Variants in COG6 observed in about 807,000 individuals in gnomAD.
The protein encoded by COG6 is component of oligomeric golgi complex 6.
Under a neutral mutation model 88.8 loss-of-function variants are expected in COG6, and 74 were observed. That is an observed-to-expected ratio of 0.83 (90% confidence interval 0.69 to 1.01). COG6 has a LOEUF of 1.01. Among genes scored for constraint, COG6 ranks in the 50% least tolerant of loss-of-function variants. COG6 has a pLI of 0.00. For missense variants in COG6, 800 were observed against 797.9 expected, an observed-to-expected ratio of 1.00 and a Z score of -0.03; for synonymous variants, 286 against 278.7, an observed-to-expected ratio of 1.03 and a Z score of -0.26.
chr13:39,790,141 G>C (rs1430037545), exon 19 of COG6: 1 of 152,162 alleles, frequency 6.6e-6, no homozygotes, highest in Non-Finnish European at 1.5e-5. Flanking sequence ...CATAATATTT[G>C]AGAGTGTGGG....
chr13:39,781,460 T>G (rs541029431), intron 18 of COG6, among the ~76,000 whole-genome samples: 55 of 149,538 alleles, frequency 3.7e-4, no homozygotes, highest in African/African-American at 1.3e-3. Flanking sequence ...TTTTTTTTAG[T>G]ATGAGAAACT....
At chr13:39,785,603 T>C (rs912282781) in intron 18 of COG6, 4 of 152,214 alleles carry the variant, frequency 2.6e-5, no homozygotes, top group African/African-American at 9.7e-5. Flanking sequence ...TTTAAATTGT[T>C]AACAGTGTCT....
At chr13:39,712,455 T>A (rs540810524) in intron 13 of COG6, among the ~76,000 whole-genome samples, 6 of 152,134 alleles carry the variant, frequency 3.9e-5, no homozygotes, top group Non-Finnish European at 7.3e-5. Context: ...GTGGTATATG[T>A]ATATGTTTTA....
chr13:39,664,698 A>G (rs1875135316), intron 3 of COG6, among the ~76,000 whole-genome samples: 1 of 152,178 alleles, frequency 6.6e-6, no homozygotes, highest in Admixed American at 6.5e-5. Flanking sequence ...TGAGCTCCAC[A>G]CTAGCATTTC....
chr13:39,748,256 T>C (rs1880444154), intron 18 of COG6, among the ~76,000 whole-genome samples: 1 of 152,216 alleles, frequency 6.6e-6, no homozygotes, highest in African/African-American at 2.4e-5. Context: ...AATTTTTGCA[T>C]TATTTTGTTA....
At chr13:39,736,099 A>G (rs938347930) in intron 18 of COG6, among the ~76,000 whole-genome samples, 2 of 151,792 alleles carry the variant, frequency 1.3e-5, no homozygotes, top group Non-Finnish European at 2.9e-5. Context: ...TTCTACACTA[A>G]TCTCTCTCTG....
chr13:39,677,680 C>A, intron 5 of COG6, 101 bp downstream of exon 5: 1 of 631,916 alleles, frequency 1.6e-6, no homozygotes, highest in Non-Finnish European at 2.8e-6. Flanking sequence ...AAAAAAGTTT[C>A]ATCTGAGAAT....
chr13:39,736,197 T>C (rs1879735114), intron 18 of COG6, among the ~76,000 whole-genome samples: 1 of 152,106 alleles, frequency 6.6e-6, no homozygotes, highest in African/African-American at 2.4e-5. Context: ...TTTTTTTTAT[T>C]CCTTTTTCTT....
chr13:39,656,384 C>G, intron 1 of COG6: 1 of 343,442 alleles, frequency 2.9e-6, no homozygotes, highest in Admixed American at 3.9e-5. Flanking sequence ...AAAGAACTAC[C>G]TTTGCCCGTG....
intron 13 of COG6, among the ~76,000 whole-genome samples, chr13:39,714,630 A>G (rs1378812508): frequency 2.0e-5 from 3 of 152,102 alleles, no homozygotes; most frequent in African/African-American, 7.2e-5. Flanking sequence ...AACCATATTG[A>G]TGTGGATATG....
chr13:39,664,663 T>G (rs1347062629), intron 3 of COG6, among the ~76,000 whole-genome samples: 1 of 152,196 alleles, frequency 6.6e-6, no homozygotes, highest in Non-Finnish European at 1.5e-5. Flanking sequence ...TTTCAAACTT[T>G]TACCTCCATC....
chr13:39,709,106 C>G (rs529114756), intron 13 of COG6, among the ~76,000 whole-genome samples: 2 of 152,122 alleles, frequency 1.3e-5, no homozygotes. Context: ...TAAGTTGTCA[C>G]TATGTAATTG....
intron 13 of COG6, among the ~76,000 whole-genome samples, chr13:39,707,116 AGAACAAAT>A (rs1262192370): frequency 6.6e-6 from 1 of 151,936 alleles, no homozygotes; most frequent in Non-Finnish European, 1.5e-5. Context: ...AAGAAGAAGA[AGAACAAAT>A]GAGCTCACTT....
At chr13:39,721,760 A>AT (rs915658032) in intron 15 of COG6, among the ~76,000 whole-genome samples, 5 of 151,880 alleles carry the variant, frequency 3.3e-5, no homozygotes, top group African/African-American at 1.2e-4. Flanking sequence ...ATAACCTATT[A>AT]TTTTTTTCCC....
At chr13:39,771,758 T>C (rs1314344338) in intron 18 of COG6, among the ~76,000 whole-genome samples, 2 of 152,250 alleles carry the variant, frequency 1.3e-5, no homozygotes, top group Non-Finnish European at 2.9e-5. Context: ...CATATGATCT[T>C]ATGGTTATTA....
In COG6 at chr13:39,677,453, T is replaced by A; in HGVS notation, c.429-15T>A. ...TAAGATGCTTGATTTTTATTGCTTG[T>A]TTTGAAAATTACAGCCAAAAATTAG... is the stretch of plus-strand genomic sequence containing the variant. On this transcript the variant is annotated splice_polypyrimidine_tract_variant and intron_variant, in intron 4 of 18. Coordinates refer to ENST00000455146, the MANE Select transcript of COG6 (RefSeq NM_020751.3). 6.8e-7 allele frequency: 1 copy of A among 1,473,862 alleles called. No homozygotes were observed. The highest frequency in any genetic ancestry group is 9.5e-7 in the Non-Finnish European group (1 of 1,052,682). The allele number at this position is 1,473,862 out of a possible 1,614,324, so 91.3% of individuals were successfully genotyped here. A position where few individuals can be genotyped will look rare whatever the true frequency, so the allele number is the denominator to read the frequency against.
At chr13:39,694,766 A>G (rs756526255) in intron 12 of COG6, 41 bp downstream of exon 12, 3 of 1,096,056 alleles carry the variant, frequency 2.7e-6, no homozygotes, top group African/African-American at 1.6e-5. Flanking sequence ...ATCCAATGTG[A>G]TATTTCTTTC....
chr13:39,688,982 A>G (rs1293673118), intron 10 of COG6, among the ~76,000 whole-genome samples: 1 of 152,216 alleles, frequency 6.6e-6, no homozygotes, highest in East Asian at 1.9e-4. Flanking sequence ...TGGTAATACT[A>G]ACTTTATAGC....
At chr13:39,691,161 T>C (rs1290156464) in intron 11 of COG6, among the ~76,000 whole-genome samples, 1 of 151,844 alleles carries the variant, frequency 6.6e-6, no homozygotes, top group Non-Finnish European at 1.5e-5. Context: ...TAAAAAGTAA[T>C]TTTATAAATA....
Sources: allele counts gnomAD v4.1 joint callset (sites outside exome capture counted in the v4.1 genomes callset), GRCh38; gene constraint gnomAD v4.1.1; transcripts MANE v1.5; gene names NCBI Gene and HGNC (gene_info 2026-07-23, HGNC 2026-07-21).